Variants in MTOR observed in about 807,000 individuals in gnomAD.
The protein encoded by MTOR is serine/threonine-protein kinase mTOR.
Under a neutral mutation model 319.8 loss-of-function variants are expected in MTOR, and 70 were observed. The ratio of observed to expected loss-of-function variants is 0.22; its 90% CI spans 0.18 to 0.27. MTOR has a LOEUF of 0.27. Among genes scored for constraint, MTOR ranks in the 10% least tolerant of loss-of-function variants. The pLI is 1.00. For missense variants in MTOR, 1,890 were observed against 3,274.4 expected, an observed-to-expected ratio of 0.58 and a Z score of 10.32; for synonymous variants, 1,183 against 1,211.4, an observed-to-expected ratio of 0.98 and a Z score of 0.49.
chr1:11,220,159 A>T (rs965430921), intron 19 of MTOR, among the ~76,000 whole-genome samples: 1 of 152,032 alleles, frequency 6.6e-6, no homozygotes. Context: ...CCTCACATTC[A>T]GGAAGCCCTC....
At chr1:11,131,186 C>G in intron 38 of MTOR, 1 of 203,734 alleles carries the variant, frequency 4.9e-6, no homozygotes. Context: ...AAGAGAGCTG[C>G]AGAAGGGCAA....
intron 8 of MTOR, among the ~76,000 whole-genome samples, chr1:11,244,262 A>T (rs891638071): frequency 1.4e-5 from 2 of 140,618 alleles, no homozygotes; most frequent in African/African-American, 5.1e-5. Flanking sequence ...ATTCCACTCC[A>T]GCCTGGGCAA....
In MTOR at chr1:11,259,382, T is replaced by TGGC. The variant is rs1557501242; in HGVS notation, c.25_27dup (p.Ala9dup). On this transcript the variant is annotated inframe_insertion, in exon 2 of 58. Transcript: ENST00000361445. Reference sequence around the variant, plus strand: ...TTGCTAGATGTGGTGGCAGCGGTGGTGGCGGCGGCAGGTCCGGTTCCAAGC... The same window carrying TGGC: ...TTGCTAGATGTGGTGGCAGCGGTGGTGGCGGCGGCGGCAGGTCCGGTTCCAAGC... 6.3e-7 allele frequency: 1 copy of TGGC among 1,592,358 alleles called. No homozygotes were observed. The highest frequency in any genetic ancestry group is 1.1e-5 in the South Asian group (1 of 87,652).
intron 8 of MTOR, among the ~76,000 whole-genome samples, chr1:11,244,997 T>C (rs1648631312): frequency 6.6e-6 from 1 of 152,210 alleles, no homozygotes; most frequent in Non-Finnish European, 1.5e-5. Context: ...TTAAGCAATA[T>C]ATGACTGTAA....
At chr1:11,200,543 T>C (rs1354126954) in intron 26 of MTOR, among the ~76,000 whole-genome samples, 1 of 152,050 alleles carries the variant, frequency 6.6e-6, no homozygotes, top group Non-Finnish European at 1.5e-5. Flanking sequence ...GGGAAGGAAA[T>C]GGGAAAAAAC....
chr1:11,185,413 C>CAAA (rs35733842), intron 28 of MTOR, among the ~76,000 whole-genome samples: 1 of 105,468 alleles, frequency 9.5e-6, no homozygotes, highest in Non-Finnish European at 2.2e-5. Flanking sequence ...CCCATCACTA[C>CAAA]AAAAAAAAAA....
chr1:11,204,414 T>C, intron 26 of MTOR, 147 bp downstream of exon 26: 4 of 1,145,740 alleles, frequency 3.5e-6, no homozygotes, highest in Non-Finnish European at 4.8e-6. Flanking sequence ...TATGAGCTTG[T>C]TGAATTTGTC....
At chr1:11,243,876 G>A (rs1423639151) in intron 8 of MTOR, among the ~76,000 whole-genome samples, 2 of 151,902 alleles carry the variant, frequency 1.3e-5, no homozygotes. Context: ...GTACAGTCAT[G>A]GGCCGGGTGC....
At position 11,228,909 on chromosome 1, in the gene MTOR, C is replaced by T. The variant is rs773908615; in HGVS notation, c.2789G>A (p.Ser930Asn). The change falls in exon 19 of 58, where the codon AGC becomes AAC. Residue 930 changes from serine to asparagine, a missense_variant. Physicochemically the swap from Ser to Asn is conservative, Grantham distance 46. Coordinates refer to ENST00000361445, the MANE Select transcript of MTOR (RefSeq NM_004958.4). ...CATGTTGACCAGCATTTCACTAGTG[C>T]TATAGTCAGCTAGGACAAAACAACA... ...SKSSQDSSDYSTSEMLVNMGN... is the reference protein window; with the variant it reads ...SKSSQDSSDYNTSEMLVNMGN... 1 of 1,614,076 alleles carries T rather than the reference C, an allele frequency of 6.2e-7. No homozygotes were observed. Among genetic ancestry groups the T allele is most frequent in the South Asian group, 1.1e-5 (1 of 91,074 alleles).
In MTOR at chr1:11,129,644, A is replaced by G. The variant is rs1643016948; in HGVS notation, c.5714+94T>C. The G allele has an allele frequency of 5.6e-6, 6 of 1,080,858 alleles. No homozygotes were observed. Among genetic ancestry groups the G allele is most frequent in the Non-Finnish European group, 6.9e-6 (5 of 721,338 alleles). The allele number at this position is 1,080,858 out of a possible 1,614,324, so 67.0% of individuals were successfully genotyped here. On this transcript the variant is annotated intron_variant, in intron 40 of 57. Transcript: ENST00000361445. The surrounding 1 kb of genome is among the most constrained non-coding windows in gnomAD (Gnocchi z 4.7). Reference sequence around the variant, plus strand: ...TACATCGATCTTGGGTGTCCTGATCAGGGTCAGGAAGGGAAAGAGGACTTT... The same window carrying G: ...TACATCGATCTTGGGTGTCCTGATCGGGGTCAGGAAGGGAAAGAGGACTTT...
chr1:11,153,508 T>G (rs1644218036), intron 30 of MTOR, among the ~76,000 whole-genome samples: 1 of 152,254 alleles, frequency 6.6e-6, no homozygotes, highest in African/African-American at 2.4e-5. Context: ...AACACTTCCA[T>G]CTCGTTTTAT....
chr1:11,231,504 T>C (rs2100868972), intron 16 of MTOR, 70 bp from the exon 17 acceptor site: 1 of 1,542,246 alleles, frequency 6.5e-7, no homozygotes, highest in East Asian at 2.3e-5. Context: ...GAACTCTTTG[T>C]ATAATGATTA....
chr1:11,144,223 G>A (rs554552864), intron 34 of MTOR, among the ~76,000 whole-genome samples: 1 of 152,148 alleles, frequency 6.6e-6, no homozygotes, highest in Non-Finnish European at 1.5e-5. Context: ...ATCATCTGGG[G>A]GAACCTGAAA....
At chr1:11,202,208 T>C (rs1049381766) in intron 26 of MTOR, among the ~76,000 whole-genome samples, 4 of 152,030 alleles carry the variant, frequency 2.6e-5, no homozygotes, top group East Asian at 1.9e-4. Flanking sequence ...GGTGGGCAGA[T>C]TGCGAGGTCA....
rs148606154 is a variant in MTOR at position 11,199,780 on chromosome 1, C to T, written c.3945-77G>A. 6,730 of 1,508,792 alleles carry T rather than the reference C, an allele frequency of 4.5e-3. 25 individuals carry two copies. Among genetic ancestry groups the T allele is most frequent in the Non-Finnish European group, 5.7e-3 (6,278 of 1,104,890 alleles). 93.5% of individuals were successfully genotyped at this position (1,508,792 alleles called of 1,614,324 possible). The stretch of plus-strand genomic sequence containing the variant: ...TGCCTCAAAGTCACACCTATCAATT[C>T]GCTTTTGGCATCACTGATTTTGGTT... On this transcript the variant is annotated intron_variant, in intron 26 of 57. Coordinates refer to ENST00000361445, the MANE Select transcript of MTOR (RefSeq NM_004958.4). This position sits in a 1 kb window ranked among gnomAD's most constrained non-coding sequence, Gnocchi z 4.5.
intron 6 of MTOR, among the ~76,000 whole-genome samples, chr1:11,249,506 G>A (rs889072069): frequency 9.4e-5 from 14 of 149,122 alleles, no homozygotes; most frequent in Non-Finnish European, 7.4e-5. Context: ...GTGGAGGGAA[G>A]GTCAGCAGAT....
chr1:11,251,471 T>C (rs755842229), intron 6 of MTOR, among the ~76,000 whole-genome samples: 2 of 152,190 alleles, frequency 1.3e-5, no homozygotes, highest in Admixed American at 6.5e-5. Context: ...CCATATGATA[T>C]ATAATAGGTT....
At chr1:11,135,483 T>A (rs1359640405) in intron 36 of MTOR, among the ~76,000 whole-genome samples, 3 of 152,332 alleles carry the variant, frequency 2.0e-5, no homozygotes, top group Admixed American at 6.5e-5. Context: ...AGACTTCAGA[T>A]AAATAACAGT....
chr1:11,120,072 T>C (rs1052978004), intron 49 of MTOR, among the ~76,000 whole-genome samples: 1 of 148,186 alleles, frequency 6.7e-6, no homozygotes, highest in African/African-American at 2.5e-5. Flanking sequence ...AAAAAATTTA[T>C]ATATATATAT....
Sources: allele counts gnomAD v4.1 joint callset (sites outside exome capture counted in the v4.1 genomes callset), GRCh38; gene constraint gnomAD v4.1.1; non-coding constraint Gnocchi (gnomAD v3.1); transcripts MANE v1.5; gene names NCBI Gene and HGNC (gene_info 2026-07-23, HGNC 2026-07-21).